RIBC2: variants seen among roughly 807,000 people sequenced by gnomAD.
RIBC2 encodes RIB43A domain with coiled-coils 2.
In RIBC2, 40 loss-of-function variants were observed where a neutral mutation model predicts 44.3. The observed-to-expected ratio is 0.90, with a 90% CI of 0.70 to 1.18. The LOEUF (loss-of-function observed/expected upper bound fraction) is 1.18, where lower values mean the gene tolerates loss of function less well. Among genes scored for constraint, RIBC2 ranks in the 50% most tolerant of loss-of-function variants. The pLI is 0.00. For missense variants in RIBC2, 459 were observed against 485.5 expected (o/e 0.95, Z 0.51); for synonymous variants, 171 against 175.0 (o/e 0.98, Z 0.18).
intron 4 of RIBC2, among the ~76,000 whole-genome samples, chr22:45,423,989 A>T (rs1313535444): frequency 2.6e-5 from 4 of 152,120 alleles, no homozygotes; most frequent in Non-Finnish European, 5.9e-5. Context: ...ACCAATGTTT[A>T]TTGAGCCCTT....
chr22:45,420,751 T>A (rs2087469769), intron 3 of RIBC2, among the ~76,000 whole-genome samples: 1 of 152,220 alleles, frequency 6.6e-6, no homozygotes. Flanking sequence ...TTTTGAACTG[T>A]CCGCTTGTCC....
At chr22:45,425,437 T>C (rs1321453896) in intron 4 of RIBC2, among the ~76,000 whole-genome samples, 3 of 152,138 alleles carry the variant, frequency 2.0e-5, no homozygotes, top group African/African-American at 7.2e-5. Flanking sequence ...ATAGGCCACA[T>C]AGCCAGGGAA....
rs1444539962 is a variant in RIBC2 at position 45,431,033 on chromosome 22, G to A, written c.1037G>A (p.Ser346Asn). The A allele has an allele frequency of 7.6e-6, 12 of 1,582,810 alleles. No individual in the cohort carries two copies. The highest frequency in any genetic ancestry group is 1.8e-5 in the Admixed American group (1 of 55,442). Residue 346 changes from serine (S) to asparagine (N), a missense_variant, in exon 6 of 7, where the codon AGC (serine) becomes AAC (asparagine). Physicochemically the swap from Ser to Asn is conservative, Grantham distance 46. Coordinates refer to ENST00000614167, the MANE Select transcript of RIBC2 (RefSeq NM_015653.5). The stretch of plus-strand genomic sequence containing the variant: ...GACCTGCGCAGAGCTCTGGACAGCA[G>A]CAACCTCAGCCTGGCCAAGGAGCAG... ...QRDLRRALDSSNLSLAKEQHL... is the reference protein window; with the variant it reads ...QRDLRRALDSNNLSLAKEQHL...
chr22:45,430,196 C>G (rs1467679334), intron 5 of RIBC2, among the ~76,000 whole-genome samples: 1 of 152,192 alleles, frequency 6.6e-6, no homozygotes, highest in Non-Finnish European at 1.5e-5. Context: ...CCGGACACAT[C>G]CTTGCTTATT....
At chr22:45,428,378 G>A (rs2087551522) in intron 5 of RIBC2, among the ~76,000 whole-genome samples, 1 of 152,230 alleles carries the variant, frequency 6.6e-6, no homozygotes, top group Non-Finnish European at 1.5e-5. Context: ...GAAAGTTTTT[G>A]TTTGTCTTGA....
Position 45,424,033 on chromosome 22 carries a change from C to T in RIBC2, c.675+1625C>T, listed in dbSNP as rs190702170. 5.9e-5 allele frequency among the ~76,000 whole-genome samples: 9 copies of T among 152,124 alleles called. No homozygotes were observed. In the East Asian group the frequency reaches 1.8e-3, roughly 30 times the overall value. On this transcript the variant is annotated intron_variant, in intron 4 of 6. Transcript: ENST00000614167. Reference sequence around the variant, plus strand: ...GCATTGGAGTGGCTTTTGCTAAACCCTATTGTCTCATTCATCAATTTATTC... The same window carrying T: ...GCATTGGAGTGGCTTTTGCTAAACCTTATTGTCTCATTCATCAATTTATTC...
At chr22:45,414,205 G>C (rs2087394146) in intron 1 of RIBC2, 117 bp from the exon 2 acceptor site, 7 of 1,483,098 alleles carry the variant, frequency 4.7e-6, no homozygotes, top group Non-Finnish European at 6.3e-6. Context: ...CCCTGAGCCA[G>C]ATTTTCTACA....
chr22:45,417,367 A>G (rs1260721076), intron 2 of RIBC2, among the ~76,000 whole-genome samples: 1 of 152,024 alleles, frequency 6.6e-6, no homozygotes, highest in Non-Finnish European at 1.5e-5. Context: ...TACTTTTGCA[A>G]TCACTGAAAA....
At chr22:45,419,887 G>A (rs2087461313) in intron 3 of RIBC2, among the ~76,000 whole-genome samples, 1 of 151,804 alleles carries the variant, frequency 6.6e-6, no homozygotes, top group Non-Finnish European at 1.5e-5. Context: ...TTAGCCGGGA[G>A]TGGTGGCGGG....
In RIBC2 at chr22:45,432,431, T is replaced by A; in HGVS notation, c.*69T>A. 9.5e-7 allele frequency: 1 copy of A among 1,054,612 alleles called. No homozygotes were observed. Among genetic ancestry groups the A allele is most frequent in the Non-Finnish European group, 1.4e-6 (1 of 692,426 alleles). The allele number at this position is 1,054,612 out of a possible 1,614,324, so 65.3% of individuals were successfully genotyped here. A position where few individuals can be genotyped will look rare whatever the true frequency, so the allele number is the denominator to read the frequency against. On this transcript the variant is annotated 3_prime_UTR_variant, in exon 7 of 7. Coordinates refer to ENST00000614167, the MANE Select transcript of RIBC2 (RefSeq NM_015653.5). ...GCTACCTTAAAGAGTCACGTTTCTT[T>A]TTTAAAGATACACTCCTTGGGCCAC...
rs772720697 is a variant in RIBC2, at chr22:45,426,189, C to A, written c.903+14C>A. ...CAGGAGAAGCTGGTGACTGCCCCGC[C>A]CCTTTTTCCAGAGCCCATAGAGCCA... On this transcript the variant is annotated intron_variant, in intron 5 of 6. Coordinates refer to ENST00000614167, the MANE Select transcript of RIBC2 (RefSeq NM_015653.5). The A allele has an allele frequency of 6.2e-7, 1 of 1,606,540 alleles. No homozygotes were observed. The highest frequency in any genetic ancestry group is 8.5e-7 in the Non-Finnish European group (1 of 1,175,842).
chr22:45,421,562 T>TTATTAATAATAG (rs1225269557), intron 3 of RIBC2, among the ~76,000 whole-genome samples: 1 of 113,012 alleles, frequency 8.8e-6, no homozygotes, highest in Non-Finnish European at 1.8e-5. Context: ...AATAATAGTA[T>TTATTAATAATAG]TATTAATAAT....
At chr22:45,425,900 C>T in intron 4 of RIBC2, 48 bp from the exon 5 acceptor site, 1 of 1,514,754 alleles carries the variant, frequency 6.6e-7, no homozygotes, top group Non-Finnish European at 9.0e-7. Context: ...TGTCAGAATG[C>T]CCCTGGGGTC....
rs201163192 is a variant in RIBC2 at position 45,421,514 on chromosome 22, TTAATAA to T, written c.557-767_557-762del. On this transcript the variant is annotated intron_variant, in intron 3 of 6. Coordinates refer to ENST00000614167, the MANE Select transcript of RIBC2 (RefSeq NM_015653.5). ...ATTATTATTATTAATAATAGTATTA[TTAATAA>T]TAATAATAGTATTATTAATAATATT... is the stretch of plus-strand genomic sequence containing the variant. 7.5e-4 allele frequency among the ~76,000 whole-genome samples: 47 copies of T among 62,862 alleles called. 1 individual carries two copies. Among genetic ancestry groups the T allele is most frequent in the African/African-American group, 3.8e-3 (41 of 10,812 alleles). The allele number at this position is 62,862 out of a possible 152,430, so 41.2% of individuals were successfully genotyped here. A position where few individuals can be genotyped will look rare whatever the true frequency, so the allele number is the denominator to read the frequency against.
chr22:45,422,223 G>T, intron 3 of RIBC2, 67 bp from the exon 4 acceptor site: 2 of 1,143,834 alleles, frequency 1.7e-6, no homozygotes, highest in South Asian at 1.2e-5. Context: ...GCAAAGGCAC[G>T]AACGGCCACA....
At position 45,429,977 on chromosome 22, in the gene RIBC2, G is replaced by A. The variant is rs567887536; in HGVS notation, c.904-923G>A. On this transcript the variant is annotated intron_variant, in intron 5 of 6. Coordinates refer to ENST00000614167, the MANE Select transcript of RIBC2 (RefSeq NM_015653.5). Reference sequence around the variant, plus strand: ...CTCAAACAGCTGGGCTGTCTGCTTTGCTCTTAGCCCGGGTGAGTGTGTCCC... The same window carrying A: ...CTCAAACAGCTGGGCTGTCTGCTTTACTCTTAGCCCGGGTGAGTGTGTCCC... Among the ~76,000 whole-genome samples, 523 of 152,272 alleles carry A rather than the reference G, an allele frequency of 3.4e-3. 4 individuals carry two copies. Among genetic ancestry groups the A allele is most frequent in the Non-Finnish European group, 3.8e-3 (260 of 68,034 alleles).
chr22:45,430,899 G>C lies in RIBC2; in HGVS notation c.904-1G>C, dbSNP rs763087237. ...TGGTGAGCCGCCTCTTTTCCTTCCA[G>C]AGGCTCCAGGAAGAAAAGCGCCAGC... is the stretch of plus-strand genomic sequence containing the variant. On this transcript the variant is annotated splice_acceptor_variant, in intron 5 of 6. Transcript: ENST00000614167. LOFTEE classifies it high-confidence loss of function. 19 of 1,578,236 alleles carry C rather than the reference G, an allele frequency of 1.2e-5. No homozygotes were observed. In the East Asian group the frequency reaches 2.3e-4, roughly 19 times the overall value.
intron 5 of RIBC2, among the ~76,000 whole-genome samples, chr22:45,430,226 C>A (rs1212795027): frequency 1.3e-5 from 2 of 152,168 alleles, no homozygotes; most frequent in Non-Finnish European, 2.9e-5. Context: ...GAGGCTCTGC[C>A]CTAAAAATGG....
intron 6 of RIBC2, among the ~76,000 whole-genome samples, chr22:45,431,386 A>G (rs1418997057): frequency 1.3e-5 from 2 of 152,142 alleles, no homozygotes; most frequent in Non-Finnish European, 2.9e-5. Context: ...CTGCCTATTC[A>G]GGGACGGCTT....
Sources: gnomAD v4.1 joint callset for allele counts (sites outside exome capture counted in the v4.1 genomes callset) on GRCh38, gnomAD v4.1.1 for gene constraint, MANE v1.5 for transcripts, NCBI Gene and HGNC (gene_info 2026-07-23, HGNC 2026-07-21) for gene names.